Variants in DENND3 observed in about 807,000 individuals in gnomAD.
The protein encoded by DENND3 is DENN domain containing 3, also known as DENN domain-containing protein 3.
Under a neutral mutation model 135.1 loss-of-function variants are expected in DENND3, and 88 were observed. The observed-to-expected ratio is 0.65, with a 90% CI of 0.55 to 0.78. The LOEUF (loss-of-function observed/expected upper bound fraction) is 0.78, where lower values mean the gene tolerates loss of function less well. DENND3 is among the 30% of genes least tolerant of loss of function. The probability of loss-of-function intolerance (pLI) is 0.00; values close to 1 mark genes in which losing one functional copy is unlikely to be tolerated. For synonymous variants in DENND3, 693 were observed against 712.3 expected, an observed-to-expected ratio of 0.97 and a Z score of 0.43; for missense variants, 1,392 against 1,688.4, an observed-to-expected ratio of 0.82 and a Z score of 3.08.
At chr8:141,164,530 TC>T (rs1198633845) in intron 10 of DENND3, among the ~76,000 whole-genome samples, 1 of 152,210 alleles carries the variant, frequency 6.6e-6, no homozygotes, top group Non-Finnish European at 1.5e-5. Flanking sequence ...GCCAGGGCCC[TC>T]CGCCTTGGCT....
In DENND3 at chr8:141,144,661, A is replaced by G. The variant is rs1817838417; in HGVS notation, c.735+402A>G. On this transcript the variant is annotated intron_variant, in intron 5 of 22. Transcript: ENST00000519811. The surrounding 1 kb of genome is among the most constrained non-coding windows in gnomAD (Gnocchi z 4.4). ...AATGAAATTCCCGGCCATGACAGGA[A>G]GGAAGGTCAGACACGCCTTGTTATG... Among the ~76,000 whole-genome samples the G allele has an allele frequency of 6.6e-6, 1 of 152,192 alleles. No individual in the cohort carries two copies. The highest frequency in any genetic ancestry group is 2.4e-5 in the African/African-American group (1 of 41,432).
At chr8:141,129,848 T>G (rs1815749836) in intron 1 of DENND3, 1 of 152,242 alleles carries the variant, frequency 6.6e-6, no homozygotes, top group East Asian at 1.9e-4. Flanking sequence ...CCGGGGAGTT[T>G]CCCCTGCTGG....
intron 17 of DENND3, among the ~76,000 whole-genome samples, chr8:141,184,228 C>A (rs1823588590): frequency 6.6e-6 from 1 of 152,232 alleles, no homozygotes; most frequent in Non-Finnish European, 1.5e-5. Context: ...TTAATGTAGT[C>A]AGATTCACCA....
In DENND3 at chr8:141,144,459, C is replaced by T. The variant is rs1214650917; in HGVS notation, c.735+200C>T. On this transcript the variant is annotated intron_variant, in intron 5 of 22. Coordinates refer to ENST00000519811, the MANE Select transcript of DENND3 (RefSeq NM_001352890.3). The surrounding 1 kb of genome is among the most constrained non-coding windows in gnomAD (Gnocchi z 4.4). ...GGGGACCCCAGAGAAACCCAAAAAA[C>T]AGAATGACTGGCCAGAATGGAAGGG... 6.6e-6 allele frequency among the ~76,000 whole-genome samples: 1 copy of T among 151,382 alleles called. No individual in the cohort carries two copies. The highest frequency in any genetic ancestry group is 1.5e-5 in the Non-Finnish European group (1 of 67,996).
rs1044874704 is a variant in DENND3 at position 141,128,700 on chromosome 8, G to T, written c.-8G>T. 2 of 1,384,578 alleles carry T rather than the reference G, an allele frequency of 1.4e-6. No individual in the cohort carries two copies. The highest frequency in any genetic ancestry group is 1.9e-6 in the Non-Finnish European group (2 of 1,071,078). 85.8% of individuals were successfully genotyped at this position (1,384,578 alleles called of 1,614,324 possible). A position where few individuals can be genotyped will look rare whatever the true frequency, so the allele number is the denominator to read the frequency against. On this transcript the variant is annotated 5_prime_UTR_variant, in exon 1 of 23. Transcript: ENST00000519811. This position sits in a 1 kb window ranked among gnomAD's most constrained non-coding sequence, Gnocchi z 4.5. ...GAGTGCGGTACTGGCGGCGGGCGGCGGGCAGCCATGGCGGAGGCCGCGTCG... is the reference window on the plus strand; with the variant it reads ...GAGTGCGGTACTGGCGGCGGGCGGCTGGCAGCCATGGCGGAGGCCGCGTCG...
chr8:141,188,269 T>G (rs1284638611), intron 18 of DENND3: 1 of 151,926 alleles, frequency 6.6e-6, no homozygotes, highest in Non-Finnish European at 1.5e-5. Flanking sequence ...TTTCAAAGAG[T>G]CTAAAAGCAA....
rs879784798 is a variant in DENND3, at chr8:141,182,875, G to A, written c.2944+2021G>A. ...AGCTCAGGCTCTGCCCATGGGGAGC[G>A]TGCCTCTCAGAGACGGCAGTGTCTC... On this transcript the variant is annotated intron_variant, in intron 17 of 22. Coordinates refer to ENST00000519811, the MANE Select transcript of DENND3 (RefSeq NM_001352890.3). This position sits in a 1 kb window ranked among gnomAD's most constrained non-coding sequence, Gnocchi z 5.9. Among the ~76,000 whole-genome samples, 11 of 152,188 alleles carry A rather than the reference G, an allele frequency of 7.2e-5. No homozygotes were observed. The highest frequency in any genetic ancestry group is 4.8e-5 in the African/African-American group (2 of 41,444).
In DENND3 at chr8:141,175,278, A is replaced by C. The variant is rs200559165; in HGVS notation, c.2354A>C (p.Glu785Ala). ...AAGGAGACGGAAGCAGAAGCCCAGGAGGTCAGTCTGCCGTGGCTGGTGATG... is the reference window on the plus strand; with the variant it reads ...AAGGAGACGGAAGCAGAAGCCCAGGCGGTCAGTCTGCCGTGGCTGGTGATG... ...CWKETEAEAQ[E>A]VSLPWLVMEH... The change falls in exon 14 of 23, where the codon GAG (glutamate) becomes GCG (alanine). Residue 785 changes from glutamate to alanine, a missense_variant. Physicochemically the swap from Glu to Ala is moderately radical, Grantham distance 107 (BLOSUM62 -1). Coordinates refer to ENST00000519811, the MANE Select transcript of DENND3 (RefSeq NM_001352890.3). This position sits in a 1 kb window ranked among gnomAD's most constrained non-coding sequence, Gnocchi z 5.4. The C allele has an allele frequency of 6.2e-7, 1 of 1,614,258 alleles. No individual in the cohort carries two copies.
At chr8:141,136,205 A>G (rs1236489326) in intron 1 of DENND3, among the ~76,000 whole-genome samples, 1 of 152,222 alleles carries the variant, frequency 6.6e-6, no homozygotes, top group East Asian at 1.9e-4. Context: ...ACTTGAACTC[A>G]GGTCTGTGGA....
In DENND3 at chr8:141,185,190, G is replaced by A; in HGVS notation, c.2996G>A (p.Cys999Tyr). The A allele has an allele frequency of 6.2e-7, 1 of 1,614,220 alleles. No individual in the cohort carries two copies. Among genetic ancestry groups the A allele is most frequent in the South Asian group, 1.1e-5 (1 of 91,086 alleles). Reference protein sequence around the residue: ...KVEDAHPKLWCALSEGKVTVF... With the variant: ...KVEDAHPKLWYALSEGKVTVF... ...GAAGATGCTCACCCCAAGTTATGGT[G>A]TGCTCTGAGCGAAGGCAAGGTGACC... The change falls in exon 18 of 23, where the codon TGT becomes TAT. Residue 999 changes from cysteine to tyrosine, a missense_variant. Physicochemically the swap from Cys to Tyr is radical, Grantham distance 194. Coordinates refer to ENST00000519811, the MANE Select transcript of DENND3 (RefSeq NM_001352890.3).
intron 13 of DENND3, among the ~76,000 whole-genome samples, chr8:141,171,424 C>T (rs1465422669): frequency 6.6e-6 from 1 of 152,238 alleles, no homozygotes; most frequent in African/African-American, 2.4e-5. Flanking sequence ...TGTCTGCCAC[C>T]TCCAGCATGG....
chr8:141,168,062 G>T lies in DENND3; in HGVS notation c.1812G>T (p.Pro604=). The change falls in exon 13 of 23, where the codon CCG becomes CCT. Residue 604 remains proline (P), a synonymous_variant. Coordinates refer to ENST00000519811, the MANE Select transcript of DENND3 (RefSeq NM_001352890.3). This position sits in a 1 kb window ranked among gnomAD's most constrained non-coding sequence, Gnocchi z 6.2. The part of the protein sequence containing the change: ...YTFKIPEIHF[P]LESKCVQAYH... ...TCAAGATTCCCGAAATCCACTTTCC[G>T]CTGGAGAGCAAGTGCGTGCAGGCAT... The T allele has an allele frequency of 1.2e-6, 2 of 1,614,000 alleles. No homozygotes were observed. The highest frequency in any genetic ancestry group is 1.7e-6 in the Non-Finnish European group (2 of 1,179,966).
intron 15 of DENND3, 133 bp from the exon 16 acceptor site, chr8:141,177,934 C>T (rs574909013): frequency 2.3e-5 from 26 of 1,136,440 alleles, no homozygotes; most frequent in East Asian, 7.9e-5. Flanking sequence ...CAAATTCATC[C>T]GTGATCTAAA....
chr8:141,170,788 T>A (rs1821446922), intron 13 of DENND3, among the ~76,000 whole-genome samples: 1 of 152,230 alleles, frequency 6.6e-6, no homozygotes, highest in South Asian at 2.1e-4. Flanking sequence ...AGGGCATGCA[T>A]GGAGGCTCCT....
At chr8:141,148,299 C>T (rs1422979994) in intron 5 of DENND3, among the ~76,000 whole-genome samples, 2 of 152,182 alleles carry the variant, frequency 1.3e-5, no homozygotes, top group Non-Finnish European at 2.9e-5. Flanking sequence ...GAGCCATGCC[C>T]TGTGCCTTGA....
chr8:141,132,477 C>T (rs911776261), intron 1 of DENND3, among the ~76,000 whole-genome samples: 3 of 152,106 alleles, frequency 2.0e-5, no homozygotes, highest in Non-Finnish European at 4.4e-5. Flanking sequence ...CCTGTCTGAG[C>T]CTCCCGAGTA....
At chr8:141,145,187 G>A (rs1306895412) in intron 5 of DENND3, among the ~76,000 whole-genome samples, 3 of 152,246 alleles carry the variant, frequency 2.0e-5, no homozygotes, top group Non-Finnish European at 4.4e-5. Context: ...AAGGGCCTCA[G>A]CCGCACACCC....
At position 141,175,640 on chromosome 8, in the gene DENND3, C is replaced by A; in HGVS notation, c.2535+181C>A. On this transcript the variant is annotated intron_variant, in intron 14 of 22. Coordinates refer to ENST00000519811, the MANE Select transcript of DENND3 (RefSeq NM_001352890.3). This position sits in a 1 kb window ranked among gnomAD's most constrained non-coding sequence, Gnocchi z 5.4. The stretch of plus-strand genomic sequence containing the variant: ...AAAGTAGGAATAAGGCTGATACCTT[C>A]TCAGTGGGTGGTGGAGATTGAATAG... 1 of 854,512 alleles carries A rather than the reference C, an allele frequency of 1.2e-6. No homozygotes were observed. The highest frequency in any genetic ancestry group is 1.9e-6 in the Non-Finnish European group (1 of 530,834). 52.9% of individuals were successfully genotyped at this position (854,512 alleles called of 1,614,324 possible). A position where few individuals can be genotyped will look rare whatever the true frequency, so the allele number is the denominator to read the frequency against.
chr8:141,170,068 C>T (rs1476726856), intron 13 of DENND3, among the ~76,000 whole-genome samples: 2 of 152,236 alleles, frequency 1.3e-5, no homozygotes, highest in African/African-American at 4.8e-5. Context: ...GACTCTCGCC[C>T]GTTGTGAGCC....
Sources: allele counts gnomAD v4.1 joint callset (sites outside exome capture counted in the v4.1 genomes callset), GRCh38; gene constraint gnomAD v4.1.1; non-coding constraint Gnocchi (gnomAD v3.1); transcripts MANE v1.5; gene names NCBI Gene and HGNC (gene_info 2026-07-23, HGNC 2026-07-21).